The following THEMIS variants were observed in gnomAD, a reference collection of about 807,000 sequenced individuals.
THEMIS encodes thymocyte selection associated.
Under a neutral mutation model 52.6 loss-of-function variants are expected in THEMIS, and 37 were observed. The observed-to-expected ratio is 0.70, with a 90% confidence interval of 0.54 to 0.93. The LOEUF (loss-of-function observed/expected upper bound fraction) is 0.93. Ranked by LOEUF, THEMIS falls within the 40% of genes least tolerant of loss-of-function variation. The pLI is 0.00. For missense variants in THEMIS, 808 were observed against 763.1 expected (o/e 1.06, Z -0.69); for synonymous variants, 292 against 272.7 (o/e 1.07, Z -0.70).
rs561495454 is a variant in THEMIS, at chr6:127,875,031, G to T, written c.92-19843C>A. Among the ~76,000 whole-genome samples, 6 of 152,308 alleles carry T rather than the reference G, an allele frequency of 3.9e-5. No homozygotes were observed. The South Asian group carries it at 1.2e-3, about 32-fold the overall frequency. ...TATTGTGAACTGTGCATGCATGCAG[G>T]GGATCTAGGTTGTGTGCTCCTTATA... is the stretch of plus-strand genomic sequence containing the variant. On this transcript the variant is annotated intron_variant, in intron 1 of 5. Transcript: ENST00000368248.
At chr6:127,728,989 A>T (rs1311568936) in intron 4 of THEMIS, among the ~76,000 whole-genome samples, 2 of 151,990 alleles carry the variant, frequency 1.3e-5, no homozygotes. Context: ...CCCCCCTCTC[A>T]CTTTTTCATT....
At chr6:127,814,506 T>C (rs1778058954) in intron 3 of THEMIS, among the ~76,000 whole-genome samples, 1 of 152,170 alleles carries the variant, frequency 6.6e-6, no homozygotes, top group African/African-American at 2.4e-5. Context: ...AGATACAAGC[T>C]ACTTGAGATT....
chr6:127,883,648 T>C (rs1410009868), intron 1 of THEMIS, among the ~76,000 whole-genome samples: 1 of 152,026 alleles, frequency 6.6e-6, no homozygotes, highest in African/African-American at 2.4e-5. Flanking sequence ...AAACCATACT[T>C]CAAGTACTCA....
At chr6:127,896,312 C>CATATA (rs1450560338) in intron 1 of THEMIS, among the ~76,000 whole-genome samples, 1 of 150,392 alleles carries the variant, frequency 6.6e-6, no homozygotes, top group African/African-American at 2.4e-5. Context: ...GTACACATAA[C>CATATA]ATATACAAAA....
chr6:127,813,024 T>C lies in THEMIS; in HGVS notation c.1617A>G (p.Gln539=), dbSNP rs773458814. ...RTLVEEITEE[Q]YYMMRRYESS... ...TTTCATATCTCCGCATCATGTAATA[T>C]TGCTCTTCAGTGATCTCTTCTACCA... The change falls in exon 4 of 6, where the codon CAA becomes CAG. Residue 539 remains glutamine, a synonymous_variant. Coordinates refer to ENST00000368248, the MANE Select transcript of THEMIS (RefSeq NM_001010923.3). The C allele has an allele frequency of 1.2e-6, 2 of 1,614,110 alleles. No homozygotes were observed. The highest frequency in any genetic ancestry group is 1.6e-4 in the Middle Eastern group (1 of 6,062).
At chr6:127,753,726 T>C (rs1361210288) in intron 4 of THEMIS, among the ~76,000 whole-genome samples, 4 of 151,950 alleles carry the variant, frequency 2.6e-5, no homozygotes, top group Admixed American at 6.6e-5. Flanking sequence ...TATAATAGAA[T>C]GTTGATTGCC....
chr6:127,702,052 G>C, the THEMIS span, among the ~76,000 whole-genome samples: 2,566 of 151,354 alleles, frequency 0.017, 77 homozygotes, highest in African/African-American at 0.059. Context: ...TTCTTTCTTA[G>C]AGTATACCCT....
the THEMIS span, among the ~76,000 whole-genome samples, chr6:127,701,790 C>G: frequency 1.3e-5 from 2 of 152,040 alleles, no homozygotes; most frequent in Admixed American, 1.3e-4. Flanking sequence ...CTAAAGATTG[C>G]TGTGATTTTG....
At chr6:127,757,506 G>A (rs557846503) in intron 4 of THEMIS, among the ~76,000 whole-genome samples, 193 of 150,880 alleles carry the variant, frequency 1.3e-3, no homozygotes, top group Non-Finnish European at 2.0e-3. Context: ...TTTTTGAGAC[G>A]GAGTCTCGCT....
chr6:127,748,264 T>C (rs146863962), intron 4 of THEMIS, among the ~76,000 whole-genome samples: 2 of 152,210 alleles, frequency 1.3e-5, no homozygotes, highest in Non-Finnish European at 2.9e-5. Flanking sequence ...TGGCTCATGG[T>C]TCAGGAGTCT....
At chr6:127,907,337 A>ATTTGTTTTTTTTTT (rs1781297713) in intron 1 of THEMIS, among the ~76,000 whole-genome samples, 1 of 49,448 alleles carries the variant, frequency 2.0e-5, no homozygotes, top group Non-Finnish European at 3.7e-5. Flanking sequence ...TTAGGCTCGG[A>ATTTGTTTTTTTTTT]TTTTTTTTTT....
At position 127,813,233 on chromosome 6, in the gene THEMIS, C is replaced by T. The variant is rs753134123; in HGVS notation, c.1408G>A (p.Glu470Lys). 6.2e-7 allele frequency: 1 copy of T among 1,614,106 alleles called. No individual in the cohort carries two copies. Among genetic ancestry groups the T allele is most frequent in the Middle Eastern group, 1.7e-4 (1 of 6,060 alleles). The change falls in exon 4 of 6, where the codon GAG becomes AAG. Residue 470 changes from glutamate to lysine, a missense_variant. Coordinates refer to ENST00000368248, the MANE Select transcript of THEMIS (RefSeq NM_001010923.3). The part of the protein sequence containing the change: ...KVSVRDLSIE[E>K]DVLAATPGLQ... ...CCTGGTGTGGCAGCCAACACGTCCTCTTCAATGGAAAGATCCCTGACAGAC... is the reference window on the plus strand; with the variant it reads ...CCTGGTGTGGCAGCCAACACGTCCTTTTCAATGGAAAGATCCCTGACAGAC...
chr6:127,781,901 C>T lies in THEMIS; in HGVS notation c.1758+30982G>A, dbSNP rs145266146. ...GTATCCACTTGAGGAGGCAGTCTGTCCCTTAGCAGAGCTGAAGCACTGTGT... is the reference window on the plus strand; with the variant it reads ...GTATCCACTTGAGGAGGCAGTCTGTTCCTTAGCAGAGCTGAAGCACTGTGT... On this transcript the variant is annotated intron_variant, in intron 4 of 5. Coordinates refer to ENST00000368248, the MANE Select transcript of THEMIS (RefSeq NM_001010923.3). 2.9e-3 allele frequency among the ~76,000 whole-genome samples: 437 copies of T among 152,292 alleles called. 3 individuals carry two copies. Among genetic ancestry groups the T allele is most frequent in the African/African-American group, 0.01 (420 of 41,564 alleles).
chr6:127,704,017 C>T (rs1047368251), downstream of THEMIS, among the ~76,000 whole-genome samples: 11 of 152,310 alleles, frequency 7.2e-5, no homozygotes, highest in African/African-American at 2.6e-4. Flanking sequence ...TCCCTTCAAC[C>T]TCTTTTGTAA....
chr6:127,842,895 G>C (rs538230205), intron 2 of THEMIS, among the ~76,000 whole-genome samples: 1 of 151,936 alleles, frequency 6.6e-6, no homozygotes, highest in East Asian at 1.9e-4. Context: ...AGTTTATCCT[G>C]CCTGCTGTGC....
intron 4 of THEMIS, among the ~76,000 whole-genome samples, chr6:127,766,543 A>G (rs1047375932): frequency 6.6e-5 from 10 of 152,090 alleles, no homozygotes; most frequent in African/African-American, 2.4e-4. Context: ...TCGTTAGTCA[A>G]TTTTGTCATT....
chr6:127,744,361 C>T (rs1476181955), intron 4 of THEMIS, among the ~76,000 whole-genome samples: 1 of 152,020 alleles, frequency 6.6e-6, no homozygotes, highest in African/African-American at 2.4e-5. Flanking sequence ...TGAAGACTAA[C>T]AGTGACATCT....
rs186422918 is a variant in THEMIS, at chr6:127,803,803, A to G, written c.1758+9080T>C. On this transcript the variant is annotated intron_variant, in intron 4 of 5. Transcript: ENST00000368248. ...ACATTCATCAGAATAGCATGTCGGTAGGAAGGCTCTTTCCTTACCTGATCA... is the reference window on the plus strand; with the variant it reads ...ACATTCATCAGAATAGCATGTCGGTGGGAAGGCTCTTTCCTTACCTGATCA... Among the ~76,000 whole-genome samples, 249 of 152,324 alleles carry G rather than the reference A, an allele frequency of 1.6e-3. 1 individual carries two copies. Among genetic ancestry groups the G allele is most frequent in the Non-Finnish European group, 2.8e-3 (188 of 68,012 alleles).
At chr6:127,716,881 T>C (rs1231348167) in intron 5 of THEMIS, among the ~76,000 whole-genome samples, 1 of 151,912 alleles carries the variant, frequency 6.6e-6, no homozygotes, top group Non-Finnish European at 1.5e-5. Flanking sequence ...AATTGGAGTG[T>C]TTCTTTTACT....
Sources: allele counts gnomAD v4.1 joint callset (sites outside exome capture counted in the v4.1 genomes callset), GRCh38; gene constraint gnomAD v4.1.1; transcripts MANE v1.5; gene names NCBI Gene and HGNC (gene_info 2026-07-23, HGNC 2026-07-21).